The following ASAP2 variants were observed in gnomAD, a reference collection of about 807,000 sequenced individuals.
ASAP2 encodes ArfGAP with SH3 domain, ankyrin repeat and PH domain 2, also known as arf-GAP with SH3 domain, ANK repeat and PH domain-containing protein 2.
In ASAP2, 45 loss-of-function variants were observed where a neutral mutation model predicts 131.4. That is an observed-to-expected ratio of 0.34 (90% CI 0.27 to 0.44). The LOEUF (loss-of-function observed/expected upper bound fraction) is 0.44, where lower values mean the gene tolerates loss of function less well. Among genes scored for constraint, ASAP2 ranks in the 20% least tolerant of loss-of-function variants. The pLI is 1.00. For missense variants in ASAP2, 1,011 were observed against 1,297.0 expected, an observed-to-expected ratio of 0.78 and a Z score of 3.39; for synonymous variants, 510 against 503.0, an observed-to-expected ratio of 1.01 and a Z score of -0.19.
At chr2:9,364,247 C>T (rs1350771466) in intron 15 of ASAP2, among the ~76,000 whole-genome samples, 2 of 152,164 alleles carry the variant, frequency 1.3e-5, no homozygotes, top group Admixed American at 6.5e-5. Flanking sequence ...GTGGTTCACA[C>T]CTATAGCTCC....
intron 9 of ASAP2, among the ~76,000 whole-genome samples, chr2:9,344,031 T>A (rs1289568624): frequency 1.3e-5 from 2 of 152,188 alleles, no homozygotes; most frequent in African/African-American, 4.8e-5. Context: ...TCCTATTGAG[T>A]CCTTACTGTT....
intron 1 of ASAP2, among the ~76,000 whole-genome samples, chr2:9,219,298 A>G (rs551462602): frequency 6.6e-6 from 1 of 152,270 alleles, no homozygotes; most frequent in Non-Finnish European, 1.5e-5. Flanking sequence ...TTGCCCTGTG[A>G]TTCGGTTGTG....
rs549034525 is a variant in ASAP2 at position 9,317,486 on chromosome 2, C to T, written c.346-1038C>T. ...TTCACCTTATACTCAGTCACTTACA[C>T]CCTTACACACCCACTTACACCCCCA... On this transcript the variant is annotated intron_variant, in intron 3 of 27. Coordinates refer to ENST00000281419, the MANE Select transcript of ASAP2 (RefSeq NM_003887.3). Among the ~76,000 whole-genome samples, 88 of 148,758 alleles carry T rather than the reference C, an allele frequency of 5.9e-4. 2 individuals carry two copies. The South Asian group carries it at 0.019, about 32-fold the overall frequency.
intron 1 of ASAP2, among the ~76,000 whole-genome samples, chr2:9,248,634 C>G (rs370108399): frequency 6.6e-6 from 1 of 152,046 alleles, no homozygotes; most frequent in Non-Finnish European, 1.5e-5. Context: ...ACGGTGAGGT[C>G]TTAGATACCC....
At chr2:9,284,880 A>G (rs1667368995) in intron 2 of ASAP2, among the ~76,000 whole-genome samples, 1 of 152,214 alleles carries the variant, frequency 6.6e-6, no homozygotes, top group Non-Finnish European at 1.5e-5. Flanking sequence ...GAGGATTTAT[A>G]TGGATTTATG....
chr2:9,398,510 A>G (rs1676369221), intron 24 of ASAP2, among the ~76,000 whole-genome samples: 1 of 151,744 alleles, frequency 6.6e-6, no homozygotes, highest in South Asian at 2.1e-4. Flanking sequence ...ACCCTGACTC[A>G]AAAAACAAAC....
rs556978805 is a variant in ASAP2 at position 9,286,437 on chromosome 2, G to GAAAA, written c.199+7056_199+7059dup. Among the ~76,000 whole-genome samples the GAAAA allele has an allele frequency of 4.4e-3, 565 of 128,904 alleles. 5 individuals are homozygous for GAAAA. Among genetic ancestry groups the GAAAA allele is most frequent in the African/African-American group, 0.016 (545 of 33,124 alleles). 84.6% of individuals were successfully genotyped at this position (128,904 alleles called of 152,430 possible). ...AGGAAAAGGATTTTTTTTAAAAAAG[G>GAAAA]AAAAAAAAAAATATATATATATATA... On this transcript the variant is annotated intron_variant, in intron 2 of 27. Coordinates refer to ENST00000281419, the MANE Select transcript of ASAP2 (RefSeq NM_003887.3).
rs375750693 is a variant in ASAP2 at position 9,219,198 on chromosome 2, A to G, written c.126+11968A>G. On this transcript the variant is annotated intron_variant, in intron 1 of 27. Coordinates refer to ENST00000281419, the MANE Select transcript of ASAP2 (RefSeq NM_003887.3). Reference sequence around the variant, plus strand: ...ACTTCAAGAAAATACTGATTTTCTTATATCCAGCGAGCTTCCTAGATTTTG... The same window carrying G: ...ACTTCAAGAAAATACTGATTTTCTTGTATCCAGCGAGCTTCCTAGATTTTG... Among the ~76,000 whole-genome samples, 81 of 152,326 alleles carry G rather than the reference A, an allele frequency of 5.3e-4. 1 individual carries two copies. In the South Asian group the frequency reaches 0.016, roughly 30 times the overall value.
At position 9,374,683 on chromosome 2, in the gene ASAP2, C is replaced by T. The variant is rs115060291; in HGVS notation, c.1557-72C>T. 716 of 1,439,078 alleles carry T rather than the reference C, an allele frequency of 5.0e-4. 4 individuals carry two copies. In the African/African-American group the frequency reaches 9.3e-3, roughly 19 times the overall value. 89.1% of individuals were successfully genotyped at this position (1,439,078 alleles called of 1,614,324 possible). A position where few individuals can be genotyped will look rare whatever the true frequency, so the allele number is the denominator to read the frequency against. On this transcript the variant is annotated intron_variant, in intron 16 of 27. Coordinates refer to ENST00000281419, the MANE Select transcript of ASAP2 (RefSeq NM_003887.3). Reference sequence around the variant, plus strand: ...ATGGCGCAGGAACCGTTAACATGGCCTTAGACAAAGGGAGGCCGGACGGCG... The same window carrying T: ...ATGGCGCAGGAACCGTTAACATGGCTTTAGACAAAGGGAGGCCGGACGGCG...
chr2:9,329,831 T>C (rs1246208156), intron 7 of ASAP2, among the ~76,000 whole-genome samples: 1 of 152,244 alleles, frequency 6.6e-6, no homozygotes, highest in Non-Finnish European at 1.5e-5. Context: ...CCTCTTTCCT[T>C]TGTGCCCTCC....
rs11674949 is a variant in ASAP2, at chr2:9,278,552, C to G, written c.127-765C>G. Among the ~76,000 whole-genome samples the G allele has an allele frequency of 7.1e-3, 1,081 of 151,694 alleles. 15 individuals are homozygous for G. The highest frequency in any genetic ancestry group is 0.025 in the African/African-American group (1,027 of 41,398). ...AAGAAAAAGAACAAAGGACTTTTTACCTTTGTATCTGTTGTGAAAGTCAAG... is the reference window on the plus strand; with the variant it reads ...AAGAAAAAGAACAAAGGACTTTTTAGCTTTGTATCTGTTGTGAAAGTCAAG... On this transcript the variant is annotated intron_variant, in intron 1 of 27. Coordinates refer to ENST00000281419, the MANE Select transcript of ASAP2 (RefSeq NM_003887.3).
At position 9,398,054 on chromosome 2, in the gene ASAP2, G is replaced by A. The variant is rs181290225; in HGVS notation, c.2685-1969G>A. On this transcript the variant is annotated intron_variant, in intron 24 of 27. Coordinates refer to ENST00000281419, the MANE Select transcript of ASAP2 (RefSeq NM_003887.3). Reference sequence around the variant, plus strand: ...ATTACAGGCGTGAGCCACTGCGCCCGGCCTCAAAAGGATATTTTGTGGCAC... The same window carrying A: ...ATTACAGGCGTGAGCCACTGCGCCCAGCCTCAAAAGGATATTTTGTGGCAC... Among the ~76,000 whole-genome samples the A allele has an allele frequency of 1.3e-4, 20 of 151,044 alleles. No individual in the cohort carries two copies. The East Asian group carries it at 2.4e-3, about 18-fold the overall frequency.
chr2:9,280,281 G>A (rs1375241654), intron 2 of ASAP2, among the ~76,000 whole-genome samples: 1 of 152,194 alleles, frequency 6.6e-6, no homozygotes, highest in African/African-American at 2.4e-5. Flanking sequence ...CAGGAGGACA[G>A]GGAGTGCCTT....
intron 1 of ASAP2, among the ~76,000 whole-genome samples, chr2:9,210,594 G>A (rs1298522652): frequency 2.0e-5 from 3 of 151,172 alleles, no homozygotes; most frequent in Non-Finnish European, 2.9e-5. Context: ...TCGCTCTGTC[G>A]CCCAGGCTGG....
At chr2:9,257,776 G>T (rs188001860) in intron 1 of ASAP2, among the ~76,000 whole-genome samples, 1 of 152,178 alleles carries the variant, frequency 6.6e-6, no homozygotes, top group Admixed American at 6.5e-5. Context: ...CGCCCGCCTC[G>T]GCCTCCCAAA....
At position 9,393,644 on chromosome 2, in the gene ASAP2, C is replaced by A; in HGVS notation, c.2681C>A (p.Pro894Gln). The change falls in exon 24 of 28, where the codon CCG becomes CAG. Residue 894 changes from proline (P) to glutamine (Q), a missense_variant. Pro to Gln is a moderately conservative substitution (Grantham distance 76). This residue lies in a region of ASAP2 where 652 missense variants were observed against 698.9 expected (regional missense o/e 0.93). Coordinates refer to ENST00000281419, the MANE Select transcript of ASAP2 (RefSeq NM_003887.3). ...CGCCTCCCGCAGAAGAAGCCTGCGC[C>A]GGGGTAAGCCACCCCCAGCCAGCTC... The part of the protein sequence containing the change: ...PSRLPQKKPA[P>Q]GADKSTPLTN... 6 of 1,568,078 alleles carry A rather than the reference C, an allele frequency of 3.8e-6. No individual in the cohort carries two copies. The highest frequency in any genetic ancestry group is 5.2e-6 in the Non-Finnish European group (6 of 1,161,150).
At chr2:9,214,773 C>T (rs1017598347) in intron 1 of ASAP2, among the ~76,000 whole-genome samples, 5 of 126,848 alleles carry the variant, frequency 3.9e-5, no homozygotes, top group Admixed American at 8.4e-5. Flanking sequence ...ATGGCCTGGA[C>T]GTCTAAAAAA....
chr2:9,363,217 T>G (rs902852873), intron 15 of ASAP2, among the ~76,000 whole-genome samples: 2 of 152,202 alleles, frequency 1.3e-5, no homozygotes, highest in African/African-American at 2.4e-5. Context: ...TTAGGTTGAT[T>G]CCCTATCTCG....
At chr2:9,330,655 C>T (rs918059736) in intron 7 of ASAP2, among the ~76,000 whole-genome samples, 4 of 152,166 alleles carry the variant, frequency 2.6e-5, no homozygotes, top group Admixed American at 2.6e-4. Context: ...AAAATTCTTA[C>T]TTTGTGATGA....
Sources: allele counts gnomAD v4.1 joint callset (sites outside exome capture counted in the v4.1 genomes callset), GRCh38; gene constraint gnomAD v4.1.1; regional missense constraint gnomAD v4.1.1; transcripts MANE v1.5; gene names NCBI Gene and HGNC (gene_info 2026-07-23, HGNC 2026-07-21).